AFAP1L2: variants seen among roughly 807,000 people sequenced by gnomAD.
AFAP1L2 encodes the protein actin filament associated protein 1 like 2.
Under a neutral mutation model 99.3 loss-of-function variants are expected in AFAP1L2, and 46 were observed. That is an observed-to-expected ratio of 0.46 (90% CI 0.37 to 0.59). The LOEUF is 0.59. Among genes scored for constraint, AFAP1L2 ranks in the 20% least tolerant of loss-of-function variants. AFAP1L2 has a pLI of 0.00. For missense variants in AFAP1L2, 959 were observed against 1,034.9 expected (o/e 0.93, Z 1.01); for synonymous variants, 397 against 419.1 (o/e 0.95, Z 0.64).
intron 1 of AFAP1L2, among the ~76,000 whole-genome samples, chr10:114,389,165 G>A (rs928631625): frequency 6.6e-6 from 1 of 152,168 alleles, no homozygotes. Flanking sequence ...GCAGCACCAG[G>A]TCCTGCCTCT....
chr10:114,302,481 TGGCCTGGAACGA>T lies in AFAP1L2; in HGVS notation c.1285-9_1287del. On this transcript the variant is annotated splice_acceptor_variant and splice_polypyrimidine_tract_variant and coding_sequence_variant and intron_variant, in exon 12 of 19. Transcript: ENST00000304129. LOFTEE classifies it high-confidence loss of function. Reference sequence around the variant, plus strand: ...CAGTGGCCCATTTCCTCGGAAGACTTGGCCTGGAACGAGGCCAAGAGAGACATAAGCAGGGCC... The same window carrying T: ...CAGTGGCCCATTTCCTCGGAAGACTTGGCCAAGAGAGACATAAGCAGGGCC... 6.2e-7 allele frequency: 1 copy of T among 1,613,956 alleles called. No individual in the cohort carries two copies. Among genetic ancestry groups the T allele is most frequent in the Non-Finnish European group, 8.5e-7 (1 of 1,179,994 alleles).
chr10:114,302,556 C>A (rs755835317), intron 11 of AFAP1L2, 72 bp from the exon 12 acceptor site: 2 of 1,590,454 alleles, frequency 1.3e-6, no homozygotes, highest in Non-Finnish European at 1.7e-6. Flanking sequence ...CCCCACCAGG[C>A]CATGACCGTA....
At position 114,302,398 on chromosome 10, in the gene AFAP1L2, G is replaced by A. The variant is rs138654102; in HGVS notation, c.1371C>T (p.Tyr457=). 1.0e-4 allele frequency: 162 copies of A among 1,614,014 alleles called. No homozygotes were observed. The highest frequency in any genetic ancestry group is 1.3e-4 in the Non-Finnish European group (148 of 1,180,016). The change falls in exon 12 of 19, where the codon TAC becomes TAT. Residue 457 remains tyrosine, a synonymous_variant. Transcript: ENST00000304129. ...AGACCCTATCGGCATCCACATAGTC[G>A]TAGGTGAACTCTTCTGGGTCTGTCT... ...GSKTDPEEFT[Y]DYVDADRVSC... is the part of the protein sequence containing the mutation.
the AFAP1L2 span, among the ~76,000 whole-genome samples, chr10:114,287,489 T>G: frequency 6.6e-6 from 1 of 152,140 alleles, no homozygotes; most frequent in Non-Finnish European, 1.5e-5. Context: ...TTTATAGGGC[T>G]CCTGGAGTTC....
intron 1 of AFAP1L2, among the ~76,000 whole-genome samples, chr10:114,397,788 T>A (rs568163992): frequency 6.6e-6 from 1 of 152,284 alleles, no homozygotes; most frequent in South Asian, 2.1e-4. Context: ...TGCTTTAATC[T>A]CCAGCAGAAG....
chr10:114,324,392 CACCA>C (rs2045884586), intron 4 of AFAP1L2, among the ~76,000 whole-genome samples: 1 of 28,020 alleles, frequency 3.6e-5, no homozygotes, highest in African/African-American at 1.0e-4. Flanking sequence ...TACAGGGGTG[CACCA>C]CCCCCCCCCC....
At chr10:114,363,115 C>A (rs1271634622) in intron 1 of AFAP1L2, 3 of 985,214 alleles carry the variant, frequency 3.0e-6, no homozygotes, top group Non-Finnish European at 3.6e-6. Flanking sequence ...CACTGGGCGT[C>A]GTCATCTTGC....
chr10:114,350,426 C>G (rs2050287148), intron 1 of AFAP1L2, among the ~76,000 whole-genome samples: 1 of 152,212 alleles, frequency 6.6e-6, no homozygotes, highest in South Asian at 2.1e-4. Context: ...TTGATTTCCT[C>G]CCCCTCTGTG....
At chr10:114,316,986 G>A (rs2044244182) in intron 5 of AFAP1L2, among the ~76,000 whole-genome samples, 5 of 152,262 alleles carry the variant, frequency 3.3e-5, no homozygotes, top group Admixed American at 3.3e-4. Flanking sequence ...CTTCCGCATG[G>A]CAGTCCTTGT....
At chr10:114,306,326 C>CGGGGGG (rs2042397166) in intron 10 of AFAP1L2, among the ~76,000 whole-genome samples, 1 of 47,386 alleles carries the variant, frequency 2.1e-5, no homozygotes, top group African/African-American at 2.5e-4. Context: ...CAGGAGGGGA[C>CGGGGGG]GCGGGGGCAG....
chr10:114,289,637 T>A, the AFAP1L2 span: 1 of 844,788 alleles, frequency 1.2e-6, no homozygotes, highest in Non-Finnish European at 1.9e-6. Context: ...AACCCCATGC[T>A]CACATAAAAT....
At chr10:114,328,850 C>T (rs1344713255) in intron 4 of AFAP1L2, among the ~76,000 whole-genome samples, 2 of 152,156 alleles carry the variant, frequency 1.3e-5, no homozygotes, top group South Asian at 2.1e-4. Flanking sequence ...GGAGAGTGCC[C>T]GGTGAACACC....
chr10:114,369,324 A>G (rs1469873665), intron 1 of AFAP1L2, among the ~76,000 whole-genome samples: 8 of 152,180 alleles, frequency 5.3e-5, no homozygotes, highest in African/African-American at 4.8e-5. Flanking sequence ...GGCCGGGCAC[A>G]GTGGCTCACG....
At chr10:114,370,200 C>T (rs1211842732) in intron 1 of AFAP1L2, among the ~76,000 whole-genome samples, 5 of 152,226 alleles carry the variant, frequency 3.3e-5, no homozygotes, top group South Asian at 4.1e-4. Context: ...ATTAAATCCA[C>T]TCTGCAAGAC....
At chr10:114,352,569 A>G (rs2050701881) in intron 1 of AFAP1L2, among the ~76,000 whole-genome samples, 1 of 151,382 alleles carries the variant, frequency 6.6e-6, no homozygotes, top group Non-Finnish European at 1.5e-5. Context: ...CAACAGGGGC[A>G]GGTGAGGAGG....
At chr10:114,352,479 T>TAA (rs766929781) in intron 1 of AFAP1L2, among the ~76,000 whole-genome samples, 2 of 71,388 alleles carry the variant, frequency 2.8e-5, no homozygotes, top group African/African-American at 1.1e-4. Context: ...GTCTCCAAAT[T>TAA]AAAAAAAAAA....
chr10:114,289,392 G>T, the AFAP1L2 span: 2 of 1,602,204 alleles, frequency 1.2e-6, no homozygotes, highest in South Asian at 2.2e-5. Flanking sequence ...GTGAGGGTCT[G>T]CGGAGGCTTG....
At chr10:114,331,004 G>A (rs2047152766) in intron 4 of AFAP1L2, among the ~76,000 whole-genome samples, 1 of 152,124 alleles carries the variant, frequency 6.6e-6, no homozygotes, top group South Asian at 2.1e-4. Context: ...ATTGGTAGAG[G>A]CCCAGGAGGT....
At chr10:114,363,391 C>A (rs972229313) in intron 1 of AFAP1L2, among the ~76,000 whole-genome samples, 2 of 152,194 alleles carry the variant, frequency 1.3e-5, no homozygotes, top group Admixed American at 6.5e-5. Context: ...CCCTCACCAG[C>A]CCCAAGCAGG....
Sources: gnomAD v4.1 joint callset for allele counts (sites outside exome capture counted in the v4.1 genomes callset) on GRCh38, gnomAD v4.1.1 for gene constraint, MANE v1.5 for transcripts, NCBI Gene and HGNC (gene_info 2026-07-23, HGNC 2026-07-21) for gene names.